Variants in KAT7 observed in about 807,000 individuals in gnomAD.
KAT7 encodes lysine acetyltransferase 7.
A neutral mutation model predicts 82.1 loss-of-function variants in KAT7; 10 were observed. That is an observed-to-expected ratio of 0.12 (90% confidence interval 0.08 to 0.21). The LOEUF (loss-of-function observed/expected upper bound fraction) is 0.21, where lower values mean the gene tolerates loss of function less well. Among genes scored for constraint, KAT7 ranks in the 10% least tolerant of loss-of-function variants. The probability of loss-of-function intolerance (pLI) is 1.00; values close to 1 mark genes in which losing one functional copy is unlikely to be tolerated. For synonymous variants in KAT7, 250 were observed against 262.5 expected (o/e 0.95, Z 0.46); for missense variants, 378 against 760.9 (o/e 0.50, Z 5.92).
chr17:49,802,824 T>G (rs2074041386), intron 4 of KAT7, among the ~76,000 whole-genome samples: 1 of 152,160 alleles, frequency 6.6e-6, no homozygotes, highest in South Asian at 2.1e-4. Flanking sequence ...TTCCTGGGCT[T>G]AAGTGATCCT....
chr17:49,800,498 G>A (rs1472518108), intron 4 of KAT7, among the ~76,000 whole-genome samples: 1 of 152,156 alleles, frequency 6.6e-6, no homozygotes, highest in Non-Finnish European at 1.5e-5. Context: ...TGATATGATG[G>A]CTAATGTGCT....
intron 12 of KAT7, among the ~76,000 whole-genome samples, 177 bp from the exon 13 acceptor site, chr17:49,825,823 C>T (rs188792714): frequency 6.6e-6 from 1 of 152,326 alleles, no homozygotes; most frequent in East Asian, 1.9e-4. Context: ...CATTCTTCCC[C>T]TTTTGTTTAT....
At chr17:49,827,305 T>G in intron 14 of KAT7, 96 bp from the exon 15 acceptor site, 1 of 754,260 alleles carries the variant, frequency 1.3e-6, no homozygotes, top group Non-Finnish European at 2.4e-6. Flanking sequence ...TGTTAAACCT[T>G]TGGCAATTCC....
In KAT7 at chr17:49,810,333, T is replaced by C. The variant is rs368898716; in HGVS notation, c.753+1125T>C. ...GTGCAGTGGTGTGATCTCAGCTCAC[T>C]GCAACCTCCATCTCCCAGGTTCAAG... On this transcript the variant is annotated intron_variant, in intron 6 of 14. Coordinates refer to ENST00000259021, the MANE Select transcript of KAT7 (RefSeq NM_007067.5). 5.9e-5 allele frequency among the ~76,000 whole-genome samples: 9 copies of C among 152,326 alleles called. No individual in the cohort carries two copies. In the South Asian group the frequency reaches 1.5e-3, roughly 25 times the overall value.
chr17:49,802,740 T>G (rs1028630158), intron 4 of KAT7, among the ~76,000 whole-genome samples: 3 of 152,078 alleles, frequency 2.0e-5, no homozygotes, highest in Non-Finnish European at 4.4e-5. Flanking sequence ...TGACATTACT[T>G]TTTTTGAGAC....
rs774264789 is a variant in KAT7, at chr17:49,796,973, G to A, written c.340+47G>A. On this transcript the variant is annotated intron_variant, in intron 3 of 14. Transcript: ENST00000259021. ...TAGACCTATTACAGAGCATCTGGGTGAAATTCTTTTTAAGGAGGGCTTGGG... is the reference window on the plus strand; with the variant it reads ...TAGACCTATTACAGAGCATCTGGGTAAAATTCTTTTTAAGGAGGGCTTGGG... 2.6e-6 allele frequency: 4 copies of A among 1,553,028 alleles called. No individual in the cohort carries two copies. In the East Asian group the frequency reaches 9.1e-5, roughly 35 times the overall value.
At position 49,798,921 on chromosome 17, in the gene KAT7, A is replaced by G. The variant is rs141803064; in HGVS notation, c.580+363A>G. On this transcript the variant is annotated intron_variant, in intron 4 of 14. Coordinates refer to ENST00000259021, the MANE Select transcript of KAT7 (RefSeq NM_007067.5). The stretch of plus-strand genomic sequence containing the variant: ...CTAGTTAAGGATAAGGTAGTGCAGA[A>G]TAGTGGTTGCACGGCCATAGCTGTT... Among the ~76,000 whole-genome samples, 499 of 152,336 alleles carry G rather than the reference A, an allele frequency of 3.3e-3. 2 individuals are homozygous for G. The Middle Eastern group carries it at 0.034, about 10-fold the overall frequency.
Position 49,788,787 on chromosome 17 carries a change from G to C in KAT7, c.-48G>C, listed in dbSNP as rs1251183404. Reference sequence around the variant, plus strand: ...GCCCGCCGGAGCCACCGTTCCTGCTGCTGCCGCCGCTGCCCGAATCGGAAC... The same window carrying C: ...GCCCGCCGGAGCCACCGTTCCTGCTCCTGCCGCCGCTGCCCGAATCGGAAC... On this transcript the variant is annotated 5_prime_UTR_variant, in exon 1 of 15. Coordinates refer to ENST00000259021, the MANE Select transcript of KAT7 (RefSeq NM_007067.5). The C allele has an allele frequency of 9.6e-6, 15 of 1,560,064 alleles. No homozygotes were observed. The highest frequency in any genetic ancestry group is 1.4e-5 in the African/African-American group (1 of 72,728).
chr17:49,823,962 T>G (rs1403478576), intron 12 of KAT7, among the ~76,000 whole-genome samples: 1 of 152,210 alleles, frequency 6.6e-6, no homozygotes, highest in Non-Finnish European at 1.5e-5. Flanking sequence ...GTGTCTGGTG[T>G]TCCTAATCTC....
intron 11 of KAT7, 71 bp from the exon 12 acceptor site, chr17:49,823,131 A>C (rs2074326904): frequency 2.3e-6 from 2 of 858,070 alleles, no homozygotes; most frequent in African/African-American, 3.3e-5. Context: ...CTTATTTTGC[A>C]TCTGTGGAAG....
rs1327782029 is a variant in KAT7, at chr17:49,832,717, A to G, written c.*5215A>G. 6.6e-6 allele frequency: 1 copy of G among 152,250 alleles called. No individual in the cohort carries two copies. The allele number at this position is 152,250 out of a possible 1,614,324, so 9.4% of individuals were successfully genotyped here. A position where few individuals can be genotyped will look rare whatever the true frequency, so the allele number is the denominator to read the frequency against. Reference sequence around the variant, plus strand: ...GGCCTGGCTCACTGAGGCTCTCAGCATTAGTTTCCTCTACCTCTTGTGTCT... The same window carrying G: ...GGCCTGGCTCACTGAGGCTCTCAGCGTTAGTTTCCTCTACCTCTTGTGTCT... On this transcript the variant is annotated 3_prime_UTR_variant, in exon 15 of 15. Coordinates refer to ENST00000259021, the MANE Select transcript of KAT7 (RefSeq NM_007067.5).
At chr17:49,825,861 C>G in intron 12 of KAT7, 139 bp from the exon 13 acceptor site, 2 of 797,788 alleles carry the variant, frequency 2.5e-6, no homozygotes, top group Non-Finnish European at 4.0e-6. Context: ...TAGTTAACCA[C>G]ACAGTATTCC....
chr17:49,805,286 C>A, intron 4 of KAT7, 77 bp from the exon 5 acceptor site: 1 of 968,298 alleles, frequency 1.0e-6, no homozygotes, highest in Non-Finnish European at 1.6e-6. Flanking sequence ...AGCAAAAAAA[C>A]AGGTTTGTCT....
intron 6 of KAT7, 74 bp downstream of exon 6, chr17:49,809,282 C>CA: frequency 9.4e-7 from 1 of 1,069,142 alleles, no homozygotes; most frequent in Non-Finnish European, 1.4e-6. Context: ...TAATTGTCTT[C>CA]AGGCATGTCT....
intron 2 of KAT7, among the ~76,000 whole-genome samples, chr17:49,795,097 GA>G (rs996216425): frequency 9.4e-5 from 14 of 149,610 alleles, no homozygotes; most frequent in Non-Finnish European, 1.5e-4. Context: ...CCCGCCCTCT[GA>G]AAAAAAAATT....
chr17:49,793,185 C>T (rs938118655), intron 2 of KAT7, among the ~76,000 whole-genome samples: 1 of 152,180 alleles, frequency 6.6e-6, no homozygotes, highest in African/African-American at 2.4e-5. Context: ...CATTACAAGT[C>T]AAGGAGCATC....
intron 7 of KAT7, among the ~76,000 whole-genome samples, chr17:49,812,937 G>A (rs1301234405): frequency 1.3e-5 from 2 of 150,446 alleles, no homozygotes; most frequent in African/African-American, 2.4e-5. Context: ...TCCTGACCTC[G>A]TGATCCACCC....
At position 49,831,720 on chromosome 17, in the gene KAT7, G is replaced by C. The variant is rs2074426403; in HGVS notation, c.*4218G>C. On this transcript the variant is annotated 3_prime_UTR_variant, in exon 15 of 15. Transcript: ENST00000259021. ...CTGTCACCCAGGCTGGAGTGCAGTGGTGCGATCTTGGCTCACTGCAAGCTC... is the reference window on the plus strand; with the variant it reads ...CTGTCACCCAGGCTGGAGTGCAGTGCTGCGATCTTGGCTCACTGCAAGCTC... 2 of 152,108 alleles carry C rather than the reference G, an allele frequency of 1.3e-5. No individual in the cohort carries two copies. The highest frequency in any genetic ancestry group is 1.3e-4 in the Admixed American group (2 of 15,274). 9.4% of individuals were successfully genotyped at this position (152,108 alleles called of 1,614,324 possible).
Position 49,811,518 on chromosome 17 carries a change from G to A in KAT7, c.796G>A (p.Glu266Lys). ...GCTTCGATATAAGGAAAAAGTGGCT[G>A]AACTCAGGAAGAAAAGAAATTCTGG... ...RQLRYKEKVAELRKKRNSGLS... is the reference protein window; with the variant it reads ...RQLRYKEKVAKLRKKRNSGLS... The change falls in exon 7 of 15, where the codon GAA becomes AAA. Residue 266 changes from glutamate to lysine, a missense_variant. By Grantham distance (56) the Glu-to-Lys change is moderately conservative. Transcript: ENST00000259021. 2 of 1,554,378 alleles carry A rather than the reference G, an allele frequency of 1.3e-6. No individual in the cohort carries two copies. Among genetic ancestry groups the A allele is most frequent in the Non-Finnish European group, 1.7e-6 (2 of 1,149,218 alleles).
Sources: gnomAD v4.1 joint callset for allele counts (sites outside exome capture counted in the v4.1 genomes callset) on GRCh38, gnomAD v4.1.1 for gene constraint, MANE v1.5 for transcripts, NCBI Gene and HGNC (gene_info 2026-07-23, HGNC 2026-07-21) for gene names.